NUP62CL: variants seen among roughly 807,000 people sequenced by gnomAD.
The protein encoded by NUP62CL is nucleoporin-62 C-terminal-like protein.
Under a neutral mutation model 15.3 loss-of-function variants are expected in NUP62CL, and 13 were observed. The observed-to-expected ratio is 0.85, with a 90% CI of 0.55 to 1.35. The LOEUF (loss-of-function observed/expected upper bound fraction) is 1.35, where lower values mean the gene tolerates loss of function less well. Among genes scored for constraint, NUP62CL ranks in the 40% most tolerant of loss-of-function variants. NUP62CL has a pLI of 0.00. For synonymous variants in NUP62CL, 54 were observed against 49.2 expected (o/e 1.10, Z -0.41); for missense variants, 123 against 130.6 (o/e 0.94, Z 0.28).
intron 2 of NUP62CL, among the ~76,000 whole-genome samples, chrX:107,180,233 G>A (rs936671146): frequency 3.6e-5 from 4 of 111,786 alleles, no homozygotes; most frequent in Non-Finnish European, 7.5e-5. Context: ...GGAAACAACT[G>A]GTCAATGTTT....
intron 8 of NUP62CL, among the ~76,000 whole-genome samples, chrX:107,137,333 GC>G (rs1415316723): frequency 1.8e-5 from 2 of 111,665 alleles, no homozygotes; most frequent in Non-Finnish European, 3.8e-5. Flanking sequence ...CAGGAACAAG[GC>G]AAGGATGTCT....
chrX:107,187,139 A>G (rs188018748), intron 2 of NUP62CL, among the ~76,000 whole-genome samples: 31 of 111,614 alleles, frequency 2.8e-4, no homozygotes, highest in Admixed American at 2.8e-3. Context: ...TTAAAAATAC[A>G]CCAAATTGAA....
chrX:107,184,214 T>C lies in NUP62CL; in HGVS notation c.-48+8815A>G, dbSNP rs370148749. ...TAAAAATTACAAAGATTTTAAAGCA[T>C]TCATGTAAAACAAATTCATCAACAA... On this transcript the variant is annotated intron_variant, in intron 2 of 8. Transcript: ENST00000372466. Among the ~76,000 whole-genome samples the C allele has an allele frequency of 2.8e-3, 302 of 109,309 alleles. 2 individuals carry two copies. The highest frequency in any genetic ancestry group is 9.5e-3 in the African/African-American group (285 of 30,021). 94.9% of individuals were successfully genotyped at this position (109,309 alleles called of 115,157 possible).
At chrX:107,151,534 C>A (rs978837768) in intron 7 of NUP62CL, among the ~76,000 whole-genome samples, 2 of 109,771 alleles carry the variant, frequency 1.8e-5, no homozygotes, top group Non-Finnish European at 3.8e-5. Context: ...CACACACACA[C>A]ACACACACAC....
At chrX:107,189,890 AAAG>A (rs1569365634) in intron 2 of NUP62CL, among the ~76,000 whole-genome samples, 107 of 84,173 alleles carry the variant, frequency 1.3e-3, no homozygotes, top group Middle Eastern at 0.012. Context: ...AGAAAGAAAG[AAAG>A]AAAGAAAGAA....
chrX:107,124,690 C>A, intron 8 of NUP62CL, among the ~76,000 whole-genome samples: 1 of 110,887 alleles, frequency 9.0e-6, no homozygotes, highest in Non-Finnish European at 1.9e-5. Flanking sequence ...GTCTTAGCTA[C>A]CTATAAGCAA....
In NUP62CL at chrX:107,132,038, G is replaced by A; in HGVS notation, c.*43-7706C>T. ...ATAAAGGATAATGATTTCTCCTATC[G>A]ACCCAACATGATTTGTAGCTTTCTA... On this transcript the variant is annotated intron_variant, in intron 8 of 8. Coordinates refer to ENST00000372466, the MANE Select transcript of NUP62CL (RefSeq NM_017681.3). 7 of 1,035,513 alleles carry A rather than the reference G, an allele frequency of 6.8e-6. No homozygotes were observed. The South Asian group carries it at 9.4e-5, about 14-fold the overall frequency. 85.3% of individuals were successfully genotyped at this position (1,035,513 alleles called of 1,213,427 possible). A position where few individuals can be genotyped will look rare whatever the true frequency, so the allele number is the denominator to read the frequency against.
In NUP62CL at chrX:107,154,062, C is replaced by A. The variant is rs754631760; in HGVS notation, c.345+34G>T. The A allele has an allele frequency of 8.9e-6, 10 of 1,125,392 alleles. No homozygotes were observed. In the East Asian group the frequency reaches 3.1e-4, roughly 35 times the overall value. The allele number at this position is 1,125,392 out of a possible 1,213,427, so 92.7% of individuals were successfully genotyped here. A position where few individuals can be genotyped will look rare whatever the true frequency, so the allele number is the denominator to read the frequency against. On this transcript the variant is annotated intron_variant, in intron 5 of 8. Coordinates refer to ENST00000372466, the MANE Select transcript of NUP62CL (RefSeq NM_017681.3). Reference sequence around the variant, plus strand: ...TTGTGTTCATCTGCAAATACTTGCACAATGTAGGTAGATTAATGAAAATAT... The same window carrying A: ...TTGTGTTCATCTGCAAATACTTGCAAAATGTAGGTAGATTAATGAAAATAT...
chrX:107,201,617 T>A (rs1261706229), intron 1 of NUP62CL, among the ~76,000 whole-genome samples: 1 of 106,860 alleles, frequency 9.4e-6, no homozygotes. Context: ...TCAAAAATAC[T>A]GCTGACCAAA....
intron 2 of NUP62CL, among the ~76,000 whole-genome samples, chrX:107,186,635 A>G (rs1477345548): frequency 9.0e-6 from 1 of 111,591 alleles, no homozygotes; most frequent in East Asian, 2.8e-4. Flanking sequence ...GTGATAGCTC[A>G]CTCCTGTAAT....
chrX:107,131,509 T>C, intron 8 of NUP62CL: 1 of 309,541 alleles, frequency 3.2e-6, no homozygotes, highest in Non-Finnish European at 5.7e-6. Context: ...AAATTGACAG[T>C]TGGCGATAAC....
rs963378603 is a variant in NUP62CL at position 107,144,525 on chromosome X, G to A, written c.*42+3218C>T. Among the ~76,000 whole-genome samples, 4 of 112,150 alleles carry A rather than the reference G, an allele frequency of 3.6e-5. No individual in the cohort carries two copies. The East Asian group carries it at 8.4e-4, about 23-fold the overall frequency. The stretch of plus-strand genomic sequence containing the variant: ...CTTGAGATTTCATTTATGACAAAGA[G>A]AATCCCTGCCAAGAGAAAAAAATCA... On this transcript the variant is annotated intron_variant, in intron 8 of 8. Coordinates refer to ENST00000372466, the MANE Select transcript of NUP62CL (RefSeq NM_017681.3).
rs1231206235 is a variant in NUP62CL, at chrX:107,160,049, A to G, written c.195-5803T>C. The stretch of plus-strand genomic sequence containing the variant: ...ATTCACAATTGCTTCAAAGAGAATA[A>G]AATACCTAGGAATCCAACTTACAAG... On this transcript the variant is annotated intron_variant, in intron 4 of 8. Transcript: ENST00000372466. Among the ~76,000 whole-genome samples, 66 of 91,710 alleles carry G rather than the reference A, an allele frequency of 7.2e-4. 1 individual carries two copies. In the East Asian group the frequency reaches 0.016, roughly 22 times the overall value. 79.6% of individuals were successfully genotyped at this position (91,710 alleles called of 115,157 possible).
rs186095627 is a variant in NUP62CL, at chrX:107,135,688, C to T, written c.*43-11356G>A. 9.9e-5 allele frequency among the ~76,000 whole-genome samples: 11 copies of T among 111,108 alleles called. No homozygotes were observed. The East Asian group carries it at 3.1e-3, about 31-fold the overall frequency. Reference sequence around the variant, plus strand: ...GATTAAAAATGAGCCCTTAGCTGGGCGCGTTGGCAAAAATAAATAAATAAA... The same window carrying T: ...GATTAAAAATGAGCCCTTAGCTGGGTGCGTTGGCAAAAATAAATAAATAAA... On this transcript the variant is annotated intron_variant, in intron 8 of 8. Coordinates refer to ENST00000372466, the MANE Select transcript of NUP62CL (RefSeq NM_017681.3).
chrX:107,140,153 A>G (rs1489090757), intron 8 of NUP62CL, among the ~76,000 whole-genome samples: 2 of 111,829 alleles, frequency 1.8e-5, no homozygotes, highest in African/African-American at 6.5e-5. Context: ...GAGTGTAAAA[A>G]GAAAAGATGG....
At chrX:107,152,135 G>GATATATATATATATTCAGATAT (rs5903301) in intron 7 of NUP62CL, among the ~76,000 whole-genome samples, 5 of 47,273 alleles carry the variant, frequency 1.1e-4, no homozygotes, top group Non-Finnish European at 1.3e-4. Context: ...TATATATTCA[G>GATATATATATATATTCAGATAT]ATATATATAT....
chrX:107,157,302 G>C (rs2147801451), intron 4 of NUP62CL, among the ~76,000 whole-genome samples: 1 of 105,778 alleles, frequency 9.5e-6, no homozygotes, highest in African/African-American at 3.5e-5. Context: ...TCCTCGGGAA[G>C]AGCAACTCCA....
intron 8 of NUP62CL, among the ~76,000 whole-genome samples, chrX:107,125,202 T>C (rs1464198797): frequency 8.9e-6 from 1 of 111,955 alleles, no homozygotes; most frequent in Non-Finnish European, 1.9e-5. Flanking sequence ...TAAATGTTTC[T>C]TTTCTTCCTT....
At chrX:107,169,979 G>A (rs1926608623) in intron 3 of NUP62CL, among the ~76,000 whole-genome samples, 2 of 109,945 alleles carry the variant, frequency 1.8e-5, no homozygotes, top group South Asian at 8.0e-4. Context: ...GGAGGCCGAG[G>A]CAGGTATATC....
Sources: gnomAD v4.1 joint callset for allele counts (sites outside exome capture counted in the v4.1 genomes callset) on GRCh38, gnomAD v4.1.1 for gene constraint, MANE v1.5 for transcripts, NCBI Gene and HGNC (gene_info 2026-07-23, HGNC 2026-07-21) for gene names.